MAPK10: variants seen among roughly 807,000 people sequenced by gnomAD.
MAPK10 encodes the protein JNK3 alpha protein kinase.
Under a neutral mutation model 59.3 loss-of-function variants are expected in MAPK10, and 25 were observed. That is an observed-to-expected ratio of 0.42 (90% CI 0.31 to 0.59). MAPK10 has a LOEUF of 0.59. Among genes scored for constraint, MAPK10 ranks in the 20% least tolerant of loss-of-function variants. MAPK10 has a pLI of 0.15. For synonymous variants in MAPK10, 190 were observed against 200.5 expected (o/e 0.95, Z 0.44); for missense variants, 351 against 568.9 (o/e 0.62, Z 3.90).
At chr4:86,553,968 C>T (rs1250673955) in intron 1 of MAPK10, among the ~76,000 whole-genome samples, 3 of 151,500 alleles carry the variant, frequency 2.0e-5, no homozygotes, top group African/African-American at 7.3e-5. Context: ...CTTCAAACTC[C>T]TAGGCTCAAG....
chr4:86,359,406 C>T (rs1736309516), intron 1 of MAPK10, among the ~76,000 whole-genome samples: 2 of 151,480 alleles, frequency 1.3e-5, no homozygotes, highest in Non-Finnish European at 2.9e-5. Context: ...AATGCTCCCT[C>T]CCTCCCTCTG....
At chr4:86,236,133 A>G (rs2092200621) in intron 2 of MAPK10, among the ~76,000 whole-genome samples, 1 of 152,104 alleles carries the variant, frequency 6.6e-6, no homozygotes, top group African/African-American at 2.4e-5. Flanking sequence ...TTTTGTCTTC[A>G]TGTCTCCTGT....
chr4:86,183,136 G>GT (rs202234999), intron 3 of MAPK10, among the ~76,000 whole-genome samples: 20 of 146,616 alleles, frequency 1.4e-4, no homozygotes, highest in East Asian at 5.9e-4. Context: ...GTTTTGGCTG[G>GT]TTTTTTTTTA....
intron 1 of MAPK10, among the ~76,000 whole-genome samples, chr4:86,410,953 C>T (rs576282992): frequency 1.4e-4 from 21 of 151,998 alleles, no homozygotes; most frequent in East Asian, 3.9e-4. Flanking sequence ...CTTTTCAATG[C>T]GTTTGCTCTT....
At chr4:86,182,801 T>C (rs772752630) in intron 3 of MAPK10, among the ~76,000 whole-genome samples, 14 of 152,294 alleles carry the variant, frequency 9.2e-5, no homozygotes, top group Non-Finnish European at 1.8e-4. Context: ...ATTTTTACTA[T>C]GCTATTTCTA....
intron 2 of MAPK10, among the ~76,000 whole-genome samples, chr4:86,217,763 A>G (rs1487544143): frequency 6.6e-6 from 1 of 152,082 alleles, no homozygotes; most frequent in Non-Finnish European, 1.5e-5. Flanking sequence ...CCTATTTGTA[A>G]AGCATAAAAT....
chr4:86,094,304 G>A (rs537393986), intron 9 of MAPK10, among the ~76,000 whole-genome samples: 2 of 151,952 alleles, frequency 1.3e-5, no homozygotes, highest in Admixed American at 1.3e-4. Context: ...TTGGCTCCTT[G>A]GCAAGGTTAT....
At chr4:86,036,181 T>G (rs1171752501) in intron 11 of MAPK10, among the ~76,000 whole-genome samples, 3 of 152,130 alleles carry the variant, frequency 2.0e-5, no homozygotes, top group African/African-American at 7.2e-5. Context: ...CAGAAAGGCA[T>G]GATAGAAAGC....
chr4:86,485,839 G>C (rs1181186934), intron 1 of MAPK10, among the ~76,000 whole-genome samples: 1 of 152,206 alleles, frequency 6.6e-6, no homozygotes, highest in African/African-American at 2.4e-5. Context: ...TTCACGCATA[G>C]AGAAAAGGCC....
At chr4:86,552,976 G>A (rs1220255628) in intron 1 of MAPK10, among the ~76,000 whole-genome samples, 1 of 152,100 alleles carries the variant, frequency 6.6e-6, no homozygotes. Flanking sequence ...GCTGCCTGTT[G>A]TCCTATGAGT....
At chr4:86,392,626 C>T (rs1389445688) in intron 1 of MAPK10, among the ~76,000 whole-genome samples, 1 of 152,084 alleles carries the variant, frequency 6.6e-6, no homozygotes, top group Non-Finnish European at 1.5e-5. Context: ...AAGGAGCAGA[C>T]TAGCAGATCA....
At chr4:86,177,938 T>G (rs1037337617) in intron 3 of MAPK10, among the ~76,000 whole-genome samples, 1 of 152,112 alleles carries the variant, frequency 6.6e-6, no homozygotes, top group Non-Finnish European at 1.5e-5. Flanking sequence ...ATATTTCATA[T>G]TTATTTAAAA....
At chr4:86,202,200 G>A (rs770880129) in intron 2 of MAPK10, among the ~76,000 whole-genome samples, 1 of 151,680 alleles carries the variant, frequency 6.6e-6, no homozygotes, top group Non-Finnish European at 1.5e-5. Flanking sequence ...TTTTCAAACT[G>A]TTCATTTTCA....
intron 11 of MAPK10, chr4:86,040,763 A>G (rs2041349978): frequency 6.6e-6 from 1 of 152,180 alleles, no homozygotes. Context: ...GAATGTTCCT[A>G]TCAAGCTAGC....
At chr4:86,028,948 C>T in intron 13 of MAPK10, 2 of 506,866 alleles carry the variant, frequency 3.9e-6, no homozygotes, top group Non-Finnish European at 7.2e-6. Context: ...ACATTTTCTT[C>T]AGGATTCATT....
rs1395043556 is a variant in MAPK10, at chr4:86,279,687, G to T, written c.-7+74843C>A. On this transcript the variant is annotated intron_variant, in intron 2 of 13. Transcript: ENST00000641462. ...CTGCAATGAAGCTGACATTACTAGG[G>T]GGGGCTCAACTAACCAAACACTCCC... 2.6e-5 allele frequency among the ~76,000 whole-genome samples: 4 copies of T among 152,174 alleles called. No homozygotes were observed. In the South Asian group the frequency reaches 8.3e-4, roughly 32 times the overall value.
At chr4:86,543,780 G>A (rs1029520609) in intron 1 of MAPK10, among the ~76,000 whole-genome samples, 6 of 152,092 alleles carry the variant, frequency 3.9e-5, no homozygotes, top group African/African-American at 1.2e-4. Flanking sequence ...AAACAGGAAC[G>A]GGAATGTTTC....
rs183734509 is a variant in MAPK10 at position 86,422,751 on chromosome 4, G to C, written c.-122+30279C>G. Among the ~76,000 whole-genome samples the C allele has an allele frequency of 4.2e-4, 64 of 152,270 alleles. 1 individual carries two copies. In the South Asian group the frequency reaches 0.013, roughly 31 times the overall value. On this transcript the variant is annotated intron_variant, in intron 1 of 13. Coordinates refer to the MAPK10 transcript ENST00000361569. Reference sequence around the variant, plus strand: ...GAAACAAAAAGGTGAAAAGTATTAAGGGTATATGACACACAGGAGGGTATG... The same window carrying C: ...GAAACAAAAAGGTGAAAAGTATTAACGGTATATGACACACAGGAGGGTATG...
chr4:86,437,391 G>A (rs1204928961), intron 1 of MAPK10, among the ~76,000 whole-genome samples: 1 of 151,442 alleles, frequency 6.6e-6, no homozygotes, highest in Non-Finnish European at 1.5e-5. Flanking sequence ...TTTTTCTCTT[G>A]TATTCTGTTA....
Sources: gnomAD v4.1 joint callset for allele counts (sites outside exome capture counted in the v4.1 genomes callset) on GRCh38, gnomAD v4.1.1 for gene constraint, MANE v1.5 for transcripts, NCBI Gene and HGNC (gene_info 2026-07-23, HGNC 2026-07-21) for gene names.